The following CLEC7A variants were observed in gnomAD, a reference collection of about 807,000 sequenced individuals.
CLEC7A encodes the protein C-type lectin domain containing 7A, also known as C-type lectin domain family 7 member A.
Under a neutral mutation model 26.9 loss-of-function variants are expected in CLEC7A, and 25 were observed. The ratio of observed to expected loss-of-function variants is 0.93; its 90% CI spans 0.68 to 1.30. The LOEUF (loss-of-function observed/expected upper bound fraction) is 1.30. Ranked by LOEUF, CLEC7A falls within the 50% of genes most tolerant of loss-of-function variation. CLEC7A has a pLI of 0.00. For synonymous variants in CLEC7A, 100 were observed against 99.5 expected, an observed-to-expected ratio of 1.01 and a Z score of -0.03; for missense variants, 275 against 286.7, an observed-to-expected ratio of 0.96 and a Z score of 0.29.
chr12:10,120,313 T>C (rs1225649578), intron 5 of CLEC7A, among the ~76,000 whole-genome samples: 1 of 152,142 alleles, frequency 6.6e-6, no homozygotes, highest in Non-Finnish European at 1.5e-5. Flanking sequence ...AGTAAACACA[T>C]TAGTTTTAAA....
chr12:10,121,924 C>T (rs1489788054), intron 5 of CLEC7A, among the ~76,000 whole-genome samples: 3 of 152,096 alleles, frequency 2.0e-5, no homozygotes, highest in Non-Finnish European at 4.4e-5. Context: ...AGGAGAATGG[C>T]GTGAACCCGG....
chr12:10,128,068 A>G (rs1306344905), intron 1 of CLEC7A, among the ~76,000 whole-genome samples: 1 of 82,186 alleles, frequency 1.2e-5, no homozygotes, highest in Non-Finnish European at 4.1e-5. Context: ...AAAGAAAAAC[A>G]AAGAAAGAAA....
Position 10,127,813 on chromosome 12 carries a change from T to A in CLEC7A, c.136A>T (p.Ile46Phe). The A allele has an allele frequency of 1.9e-6, 3 of 1,573,324 alleles. No individual in the cohort carries two copies. The highest frequency in any genetic ancestry group is 2.6e-6 in the Non-Finnish European group (3 of 1,158,198). The stretch of plus-strand genomic sequence containing the variant: ...CATAGGATTCCCAAAATTACAGCAA[T>A]GAGGCGCCAAGGAGGAGATGCAGCA... ...SCAASPPWRLIAVILGILCLV... is the reference protein window; with the variant it reads ...SCAASPPWRLFAVILGILCLV... The change falls in exon 2 of 6, where the codon ATT (isoleucine) becomes TTT (phenylalanine). Residue 46 changes from isoleucine to phenylalanine, a missense_variant. Physicochemically the swap from Ile to Phe is conservative, Grantham distance 21. Transcript: ENST00000304084.
At chr12:10,121,168 A>C (rs887274745) in intron 5 of CLEC7A, among the ~76,000 whole-genome samples, 18 of 152,022 alleles carry the variant, frequency 1.2e-4, no homozygotes, top group Non-Finnish European at 2.2e-4. Context: ...ATGTCAGTTA[A>C]TGTTAGTCTT....
chr12:10,118,735 G>T, intron 5 of CLEC7A, 145 bp from the exon 6 acceptor site: 1 of 635,714 alleles, frequency 1.6e-6, no homozygotes, highest in Non-Finnish European at 2.5e-6. Context: ...AATCTAAATT[G>T]TTGTGAATCT....
intron 4 of CLEC7A, 94 bp downstream of exon 4, chr12:10,125,198 AAGACT>A: frequency 8.7e-7 from 1 of 1,153,994 alleles, no homozygotes; most frequent in Non-Finnish European, 1.2e-6. Context: ...AAAAAAAAAA[AAGACT>A]TCATTTTAGG....
chr12:10,125,471 A>T, intron 3 of CLEC7A, 23 bp from the exon 4 acceptor site: 2 of 1,598,560 alleles, frequency 1.3e-6, no homozygotes, highest in Non-Finnish European at 8.5e-7. Context: ...GATTAGTACC[A>T]TGAGGTTCAT....
At chr12:10,120,121 G>A (rs1168789765) in intron 5 of CLEC7A, among the ~76,000 whole-genome samples, 2 of 152,070 alleles carry the variant, frequency 1.3e-5, no homozygotes, top group Admixed American at 6.5e-5. Flanking sequence ...ATATGTGAAA[G>A]GTTATTACAT....
intron 2 of CLEC7A, chr12:10,127,330 C>G: frequency 3.2e-6 from 5 of 1,540,110 alleles, no homozygotes; most frequent in Non-Finnish European, 4.4e-6. Flanking sequence ...AGCTTAATGT[C>G]CATTTAGTGA....
intron 5 of CLEC7A, among the ~76,000 whole-genome samples, chr12:10,120,760 T>TC (rs1948059006): frequency 6.9e-6 from 1 of 144,906 alleles, no homozygotes. Context: ...TCTTTTTCTT[T>TC]TTTTTTTTTT....
intron 5 of CLEC7A, 113 bp from the exon 6 acceptor site, chr12:10,118,703 T>C (rs929310512): frequency 2.3e-6 from 2 of 883,758 alleles, no homozygotes; most frequent in Non-Finnish European, 3.3e-6. Context: ...GAAGTGTTTC[T>C]ATTATTGGAA....
At chr12:10,127,067 AT>A in intron 2 of CLEC7A, 1 of 1,391,434 alleles carries the variant, frequency 7.2e-7, no homozygotes, top group African/African-American at 1.4e-5. Flanking sequence ...AAAATGAGAG[AT>A]CCTTGAGAAA....
chr12:10,130,263 C>G (rs1006837870), upstream of CLEC7A: 1 of 468,136 alleles, frequency 2.1e-6, no homozygotes, highest in African/African-American at 1.9e-5. Context: ...GGAAATGAAA[C>G]TATGCTGTGG....
chr12:10,123,754 C>T (rs952490413), intron 4 of CLEC7A, among the ~76,000 whole-genome samples: 3 of 85,424 alleles, frequency 3.5e-5, no homozygotes, highest in East Asian at 2.3e-4. Flanking sequence ...GGCGACAGAG[C>T]GAGACTCCGT....
intron 3 of CLEC7A, 30 bp downstream of exon 3, chr12:10,126,541 C>G (rs1304778223): frequency 6.3e-7 from 1 of 1,584,342 alleles, no homozygotes; most frequent in Non-Finnish European, 8.6e-7. Context: ...CCTCTTGAGT[C>G]AAGATTCCGT....
rs184662713 is a variant in CLEC7A at position 10,127,662 on chromosome 12, C to T, written c.202+85G>A. 3.5e-3 allele frequency: 3,529 copies of T among 1,009,216 alleles called. 11 individuals are homozygous for T. The highest frequency in any genetic ancestry group is 5.1e-3 in the Non-Finnish European group (3,319 of 650,944). 62.5% of individuals were successfully genotyped at this position (1,009,216 alleles called of 1,614,324 possible). On this transcript the variant is annotated intron_variant, in intron 2 of 5. Transcript: ENST00000304084. Reference sequence around the variant, plus strand: ...TATATACAAATTAAAGTAGATTATGCATGTCAAGCCCTTAAAAGAGTGCCT... The same window carrying T: ...TATATACAAATTAAAGTAGATTATGTATGTCAAGCCCTTAAAAGAGTGCCT...
In CLEC7A at chr12:10,125,393, A is replaced by G. The variant is rs1316719350; in HGVS notation, c.396T>C (p.Tyr132=). ...AGGAATTTAGTGACATGCTGAATAGATAACAGCTCTTCTCATATATAATCC... is the reference window on the plus strand; with the variant it reads ...AGGAATTTAGTGACATGCTGAATAGGTAACAGCTCTTCTCATATATAATCC... ...PNWIIYEKSC[Y]LFSMSLNSWD... The change falls in exon 4 of 6, where the codon TAT becomes TAC. Residue 132 remains tyrosine, a synonymous_variant. Transcript: ENST00000304084. 1.2e-6 allele frequency: 2 copies of G among 1,613,380 alleles called. No individual in the cohort carries two copies. Among genetic ancestry groups the G allele is most frequent in the Non-Finnish European group, 8.5e-7 (1 of 1,179,746 alleles).
chr12:10,125,484 C>T (rs1332063625), intron 3 of CLEC7A, 36 bp from the exon 4 acceptor site: 1 of 1,557,014 alleles, frequency 6.4e-7, no homozygotes, highest in Non-Finnish European at 8.7e-7. Context: ...AGGTTCATAG[C>T]ATACCAATTC....
chr12:10,122,742 G>A (rs1948135044), intron 5 of CLEC7A, among the ~76,000 whole-genome samples: 1 of 151,954 alleles, frequency 6.6e-6, no homozygotes, highest in Non-Finnish European at 1.5e-5. Flanking sequence ...CCGCCCACCT[G>A]GGCCTCCCAA....
Sources: gnomAD v4.1 joint callset for allele counts (sites outside exome capture counted in the v4.1 genomes callset) on GRCh38, gnomAD v4.1.1 for gene constraint, MANE v1.5 for transcripts, NCBI Gene and HGNC (gene_info 2026-07-23, HGNC 2026-07-21) for gene names.